The following ZNF654 variants were observed in gnomAD, a reference collection of about 807,000 sequenced individuals.
ZNF654 encodes the protein melanoma-associated antigen.
Under a neutral mutation model 95.3 loss-of-function variants are expected in ZNF654, and 19 were observed. The observed-to-expected ratio is 0.20, with a 90% CI of 0.14 to 0.29. The LOEUF is 0.29. ZNF654 is among the 10% of genes least tolerant of loss of function. ZNF654 has a pLI of 1.00. For missense variants in ZNF654, 1,046 were observed against 1,341.0 expected (o/e 0.78, Z 3.44); for synonymous variants, 413 against 457.9 (o/e 0.90, Z 1.25).
At chr3:88,130,067 ATTAAAT>A (rs2107838529) in intron 6 of ZNF654, among the ~76,000 whole-genome samples, 1 of 152,338 alleles carries the variant, frequency 6.6e-6, no homozygotes, top group South Asian at 2.1e-4. Context: ...GTGGTTTGAA[ATTAAAT>A]TTTAATTTGG....
chr3:88,096,526 T>G (rs1704070199), intron 2 of ZNF654, among the ~76,000 whole-genome samples: 1 of 152,146 alleles, frequency 6.6e-6, no homozygotes, highest in Non-Finnish European at 1.5e-5. Context: ...GACCTTTGTT[T>G]TGGAAGACAT....
chr3:88,141,019 C>T lies in ZNF654; in HGVS notation c.3350C>T (p.Thr1117Ile). Residue 1117 changes from threonine (T) to isoleucine (I), a missense_variant, in exon 8 of 9, where the codon ACA (threonine) becomes ATA (isoleucine). This residue lies in a region of ZNF654 where 59 missense variants were observed against 73.0 expected (regional missense o/e 0.81). Transcript: ENST00000636215. ...CATCTTGCACAAAAGAAATGTCAGA[C>T]ACTCTTTGGATTTGATTCAGATGAT... is the stretch of plus-strand genomic sequence containing the variant. The part of the protein sequence containing the change: ...EAHLAQKKCQ[T>I]LFGFDSDDES... The T allele has an allele frequency of 6.2e-7, 1 of 1,608,064 alleles. No individual in the cohort carries two copies. Among genetic ancestry groups the T allele is most frequent in the Non-Finnish European group, 8.5e-7 (1 of 1,177,272 alleles).
At chr3:88,082,205 C>T (rs1708114440) in intron 1 of ZNF654, among the ~76,000 whole-genome samples, 1 of 151,722 alleles carries the variant, frequency 6.6e-6, no homozygotes, top group Admixed American at 6.6e-5. Context: ...TGGCTCACTG[C>T]AACCTCTGCC....
chr3:88,077,509 A>AT (rs11379558), intron 1 of ZNF654, among the ~76,000 whole-genome samples: 118,680 of 151,468 alleles, frequency 0.78, 47,414 homozygotes, highest in South Asian at 0.91. Flanking sequence ...ATTTTTTGTG[A>AT]TTTTTTTAGT....
intron 4 of ZNF654, among the ~76,000 whole-genome samples, chr3:88,128,111 A>G (rs932714980): frequency 6.6e-6 from 1 of 152,152 alleles, no homozygotes; most frequent in Non-Finnish European, 1.5e-5. Flanking sequence ...TCTGAGACTC[A>G]GTTTTGCAAT....
In ZNF654 at chr3:88,142,436, TGAAAG is replaced by T. The variant is rs1394126642; in HGVS notation, c.*788_*792del. ...AACCGATCAGTACTCTGGGGAGAGA[TGAAAG>T]GAATCTAAGACTTTACAGGCTTTGT... On this transcript the variant is annotated 3_prime_UTR_variant, in exon 9 of 9. Coordinates refer to ENST00000636215, the MANE Select transcript of ZNF654 (RefSeq NM_001350134.2). The T allele has an allele frequency of 6.6e-6, 1 of 152,280 alleles. No homozygotes were observed. Among genetic ancestry groups the T allele is most frequent in the African/African-American group, 2.4e-5 (1 of 41,406 alleles). 9.4% of individuals were successfully genotyped at this position (152,280 alleles called of 1,614,324 possible). A position where few individuals can be genotyped will look rare whatever the true frequency, so the allele number is the denominator to read the frequency against.
At chr3:88,114,854 T>C (rs940486190) in intron 3 of ZNF654, among the ~76,000 whole-genome samples, 6 of 152,240 alleles carry the variant, frequency 3.9e-5, no homozygotes, top group Non-Finnish European at 8.8e-5. Context: ...TCCAAGCTTA[T>C]GAATTCTCCA....
intron 2 of ZNF654, among the ~76,000 whole-genome samples, chr3:88,101,647 G>A (rs1437510809): frequency 6.6e-6 from 1 of 152,022 alleles, no homozygotes; most frequent in Non-Finnish European, 1.5e-5. Context: ...TTCTGTATGT[G>A]TCTTATGTGG....
chr3:88,095,316 A>G (rs1703991843), intron 2 of ZNF654: 1 of 223,888 alleles, frequency 4.5e-6, no homozygotes. Flanking sequence ...TTTATCAAGG[A>G]TATGTTTAGG....
intron 2 of ZNF654, among the ~76,000 whole-genome samples, chr3:88,109,646 T>C (rs1704969962): frequency 6.6e-6 from 1 of 152,180 alleles, no homozygotes; most frequent in Admixed American, 6.5e-5. Context: ...TAAGTAGACC[T>C]GCACAGTTTA....
intron 1 of ZNF654, among the ~76,000 whole-genome samples, chr3:88,074,112 G>T (rs942554540): frequency 1.3e-5 from 2 of 152,028 alleles, no homozygotes; most frequent in Non-Finnish European, 1.5e-5. Context: ...TCCCATTTTT[G>T]AGTTCACAAA....
At chr3:88,097,421 A>G (rs536497793) in intron 2 of ZNF654, among the ~76,000 whole-genome samples, 1 of 152,084 alleles carries the variant, frequency 6.6e-6, no homozygotes, top group African/African-American at 2.4e-5. Flanking sequence ...TAGACAGATC[A>G]ATGAGACAGA....
At chr3:88,066,221 T>G (rs1707190544) in intron 1 of ZNF654, among the ~76,000 whole-genome samples, 1 of 152,232 alleles carries the variant, frequency 6.6e-6, no homozygotes, top group Non-Finnish European at 1.5e-5. Flanking sequence ...TACACAGTCT[T>G]TCATTAGATA....
intron 6 of ZNF654, 123 bp downstream of exon 6, chr3:88,129,949 G>T: frequency 1.1e-6 from 1 of 873,520 alleles, no homozygotes; most frequent in South Asian, 3.6e-5. Context: ...AAAATTGATT[G>T]TGCAAGGAAC....
rs1707214452 is a variant in ZNF654 at position 88,143,317 on chromosome 3, TTC to T, written c.*1667_*1668del. On this transcript the variant is annotated 3_prime_UTR_variant, in exon 9 of 9. Transcript: ENST00000636215. ...AAGTCCATTCCAAATTTAAATTTGT[TTC>T]TGTTATGTAGCCTATATTAGGCTGT... The T allele has an allele frequency of 6.6e-6, 1 of 152,216 alleles. No homozygotes were observed. Among genetic ancestry groups the T allele is most frequent in the Admixed American group, 6.6e-5 (1 of 15,242 alleles). 9.4% of individuals were successfully genotyped at this position (152,216 alleles called of 1,614,324 possible).
chr3:88,109,942 A>G (rs1031877112), intron 2 of ZNF654, among the ~76,000 whole-genome samples: 2 of 152,192 alleles, frequency 1.3e-5, no homozygotes, highest in African/African-American at 4.8e-5. Flanking sequence ...ATTTTTAAAA[A>G]AATCTTCATA....
chr3:88,084,628 C>T (rs1708245410), intron 1 of ZNF654, among the ~76,000 whole-genome samples: 1 of 152,072 alleles, frequency 6.6e-6, no homozygotes, highest in Non-Finnish European at 1.5e-5. Flanking sequence ...TGTGTGAGTA[C>T]CTGGTACTGC....
At position 88,059,593 on chromosome 3, in the gene ZNF654, AT is replaced by A. The variant is rs1263561468; in HGVS notation, c.186+89del. On this transcript the variant is annotated intron_variant, in intron 1 of 8. Transcript: ENST00000636215. Reference sequence around the variant, plus strand: ...GTCTTCTCGTCCATGAATCTGGTCTATGTCCAGTGCCCGCTCCTCCCCAACA... The same window carrying A: ...GTCTTCTCGTCCATGAATCTGGTCTAGTCCAGTGCCCGCTCCTCCCCAACA... 17 of 1,414,780 alleles carry A rather than the reference AT, an allele frequency of 1.2e-5. No individual in the cohort carries two copies. The Admixed American group carries it at 2.1e-4, about 17-fold the overall frequency. The allele number at this position is 1,414,780 out of a possible 1,614,324, so 87.6% of individuals were successfully genotyped here. A position where few individuals can be genotyped will look rare whatever the true frequency, so the allele number is the denominator to read the frequency against.
intron 2 of ZNF654, among the ~76,000 whole-genome samples, chr3:88,106,903 C>T (rs902207761): frequency 4.6e-5 from 7 of 152,102 alleles, no homozygotes; most frequent in East Asian, 1.9e-4. Context: ...CTGTTTTTAT[C>T]GTATACTAAA....
Sources: allele counts gnomAD v4.1 joint callset (sites outside exome capture counted in the v4.1 genomes callset), GRCh38; gene constraint gnomAD v4.1.1; regional missense constraint gnomAD v4.1.1; transcripts MANE v1.5; gene names NCBI Gene and HGNC (gene_info 2026-07-23, HGNC 2026-07-21).